The following PCDHGB2 variants were observed in gnomAD, a reference collection of about 807,000 sequenced individuals.
PCDHGB2 encodes protocadherin gamma-B2.
A neutral mutation model predicts 59.3 loss-of-function variants in PCDHGB2; 55 were observed. The observed-to-expected ratio is 0.93, with a 90% CI of 0.75 to 1.16. The LOEUF (loss-of-function observed/expected upper bound fraction) is 1.16, where lower values mean the gene tolerates loss of function less well. Ranked by LOEUF, PCDHGB2 falls within the 50% of genes most tolerant of loss-of-function variation. PCDHGB2 has a pLI of 0.00. For missense variants in PCDHGB2, 1,228 were observed against 1,198.5 expected (o/e 1.02, Z -0.36); for synonymous variants, 516 against 512.0 (o/e 1.01, Z -0.11).
intron 1 of PCDHGB2, chr5:141,372,387 G>T (rs771030632): frequency 3.7e-6 from 6 of 1,613,898 alleles, no homozygotes; most frequent in Non-Finnish European, 5.1e-6. Flanking sequence ...CCTAATCTTC[G>T]CAGATAGCTT....
At chr5:141,419,172 T>A in intron 1 of PCDHGB2, 1 of 1,613,914 alleles carries the variant, frequency 6.2e-7, no homozygotes, top group Non-Finnish European at 8.5e-7. Context: ...AGCAAAACCA[T>A]AACCCTGCAC....
chr5:141,399,540 C>A (rs775910113), intron 1 of PCDHGB2: 2 of 1,613,934 alleles, frequency 1.2e-6, no homozygotes, highest in Non-Finnish European at 1.7e-6. Context: ...CGCAAGTCTG[C>A]GCCTCGGACC....
chr5:141,476,421 C>T lies in PCDHGB2; in HGVS notation c.2422-18386C>T, dbSNP rs765688262. On this transcript the variant is annotated intron_variant, in intron 1 of 3. Coordinates refer to ENST00000522605, the MANE Select transcript of PCDHGB2 (RefSeq NM_018923.3). The surrounding 1 kb of genome is among the most constrained non-coding windows in gnomAD (Gnocchi z 7.6). ...CGAGAGGAGCTGTGTGGGACACTGC[C>T]CTCTTGCACTGTAACTCTGGAGTTG... 1 of 1,614,026 alleles carries T rather than the reference C, an allele frequency of 6.2e-7. No homozygotes were observed. The highest frequency in any genetic ancestry group is 8.5e-7 in the Non-Finnish European group (1 of 1,179,994).
chr5:141,384,754 G>A, intron 1 of PCDHGB2: 1 of 1,614,042 alleles, frequency 6.2e-7, no homozygotes, highest in Non-Finnish European at 8.5e-7. Flanking sequence ...ACTCTTTGCG[G>A]TTGGGCTGTA....
intron 1 of PCDHGB2, chr5:141,370,525 G>T: frequency 1.2e-6 from 2 of 1,613,874 alleles, no homozygotes; most frequent in Non-Finnish European, 1.7e-6. Flanking sequence ...CTGGACAGGG[G>T]CTCGCTGGTA....
rs754462129 is a variant in PCDHGB2, at chr5:141,490,693, G to T, written c.2422-4114G>T. 6.2e-7 allele frequency: 1 copy of T among 1,614,170 alleles called. No homozygotes were observed. Among genetic ancestry groups the T allele is most frequent in the South Asian group, 1.1e-5 (1 of 91,072 alleles). On this transcript the variant is annotated intron_variant, in intron 1 of 3. Transcript: ENST00000522605. This position sits in a 1 kb window ranked among gnomAD's most constrained non-coding sequence, Gnocchi z 5.4. Reference sequence around the variant, plus strand: ...GGCTGCCTCAGATCCAGACACTGGGGATAATGCCCGCCTCACCTACTCCAT... The same window carrying T: ...GGCTGCCTCAGATCCAGACACTGGGTATAATGCCCGCCTCACCTACTCCAT...
intron 2 of PCDHGB2, among the ~76,000 whole-genome samples, chr5:141,498,573 A>G (rs7725519): frequency 0.52 from 78,890 of 151,684 alleles, 21,175 homozygotes; most frequent in African/African-American, 0.65. Flanking sequence ...CAGGGCTAGT[A>G]TTGAGTTCTT....
intron 1 of PCDHGB2, chr5:141,389,177 C>G: frequency 1.2e-6 from 2 of 1,614,052 alleles, no homozygotes; most frequent in Non-Finnish European, 1.7e-6. Flanking sequence ...CTCCCCTCTC[C>G]TCCAGTTCCA....
chr5:141,385,351 T>C, intron 1 of PCDHGB2: 1 of 1,555,976 alleles, frequency 6.4e-7, no homozygotes, highest in Non-Finnish European at 8.7e-7. Flanking sequence ...TTTATTTCCA[T>C]GAGGAATTTA....
chr5:141,487,397 G>C lies in PCDHGB2; in HGVS notation c.2422-7410G>C. On this transcript the variant is annotated intron_variant, in intron 1 of 3. Coordinates refer to ENST00000522605, the MANE Select transcript of PCDHGB2 (RefSeq NM_018923.3). The surrounding 1 kb of genome is among the most constrained non-coding windows in gnomAD (Gnocchi z 5.0). ...TCTCACCAGATCTCGAAGGAGGGAG[G>C]GGCTTCCCCCTTCCAATGGGATCCT... The C allele has an allele frequency of 6.2e-7, 1 of 1,614,062 alleles. No homozygotes were observed. The highest frequency in any genetic ancestry group is 8.5e-7 in the Non-Finnish European group (1 of 1,180,008).
At chr5:141,404,232 G>GTCCAC (rs2094500642) in intron 1 of PCDHGB2, 1 of 1,613,696 alleles carries the variant, frequency 6.2e-7, no homozygotes, top group African/African-American at 1.3e-5. Flanking sequence ...GCAACAGACA[G>GTCCAC]AGGAACTCCG....
chr5:141,377,672 C>G (rs529772336), intron 1 of PCDHGB2: 1 of 151,784 alleles, frequency 6.6e-6, no homozygotes, highest in East Asian at 1.9e-4. Context: ...GACGTTCATA[C>G]AAGAGATCTT....
intron 1 of PCDHGB2, among the ~76,000 whole-genome samples, chr5:141,465,031 C>T (rs933448980): frequency 1.3e-5 from 2 of 151,958 alleles, no homozygotes; most frequent in Non-Finnish European, 1.5e-5. Context: ...CATGAACCAC[C>T]ACAAATGACC....
chr5:141,409,033 A>C, intron 1 of PCDHGB2: 1 of 1,614,028 alleles, frequency 6.2e-7, no homozygotes, highest in South Asian at 1.1e-5. Context: ...ATGCTGAGAT[A>C]AACTACTACT....
In PCDHGB2 at chr5:141,491,129, C is replaced by T; in HGVS notation, c.2422-3678C>T. On this transcript the variant is annotated intron_variant, in intron 1 of 3. Transcript: ENST00000522605. This position sits in a 1 kb window ranked among gnomAD's most constrained non-coding sequence, Gnocchi z 6.9. Reference sequence around the variant, plus strand: ...TCTACACACACTGGTGAGGTGCGCACAGCCCGGGCCTTACTGGAGGATGAC... The same window carrying T: ...TCTACACACACTGGTGAGGTGCGCATAGCCCGGGCCTTACTGGAGGATGAC... 1.2e-6 allele frequency: 2 copies of T among 1,614,172 alleles called. No individual in the cohort carries two copies. The highest frequency in any genetic ancestry group is 1.7e-6 in the Non-Finnish European group (2 of 1,180,012).
chr5:141,433,221 A>G, intron 1 of PCDHGB2: 1 of 1,475,672 alleles, frequency 6.8e-7, no homozygotes, highest in African/African-American at 1.4e-5. Context: ...TTTTTTTTTT[A>G]ATTGCTCTGT....
chr5:141,429,547 A>C (rs2097222392), intron 1 of PCDHGB2, among the ~76,000 whole-genome samples: 1 of 152,196 alleles, frequency 6.6e-6, no homozygotes, highest in Non-Finnish European at 1.5e-5. Flanking sequence ...AGAACATGGT[A>C]ATGATTTGAT....
intron 1 of PCDHGB2, chr5:141,404,548 G>C (rs761765539): frequency 1.2e-5 from 20 of 1,613,740 alleles, no homozygotes. Context: ...AAATGCAGGT[G>C]ACGGCAAGTG....
At chr5:141,409,796 C>T (rs750405889) in intron 1 of PCDHGB2, 1 of 1,611,944 alleles carries the variant, frequency 6.2e-7, no homozygotes, top group Non-Finnish European at 8.5e-7. Context: ...CGCGCTCACG[C>T]TGCAGGCCCG....
Sources: allele counts gnomAD v4.1 joint callset (sites outside exome capture counted in the v4.1 genomes callset), GRCh38; gene constraint gnomAD v4.1.1; non-coding constraint Gnocchi (gnomAD v3.1); transcripts MANE v1.5; gene names NCBI Gene and HGNC (gene_info 2026-07-23, HGNC 2026-07-21).